CHCHD3: variants seen among roughly 807,000 people sequenced by gnomAD.
CHCHD3 encodes the protein MICOS complex subunit MIC19.
In CHCHD3, 20 loss-of-function variants were observed where a neutral mutation model predicts 38.2. The ratio of observed to expected loss-of-function variants is 0.52; its 90% CI spans 0.37 to 0.76. The LOEUF is 0.76. CHCHD3 is among the 30% of genes least tolerant of loss of function. The probability of loss-of-function intolerance (pLI) is 0.00; values close to 1 mark genes in which losing one functional copy is unlikely to be tolerated. For missense variants in CHCHD3, 245 were observed against 279.2 expected, an observed-to-expected ratio of 0.88 and a Z score of 0.87; for synonymous variants, 82 against 100.0, an observed-to-expected ratio of 0.82 and a Z score of 1.07.
At chr7:132,856,621 C>T (rs1011307739) in intron 5 of CHCHD3, among the ~76,000 whole-genome samples, 4 of 152,168 alleles carry the variant, frequency 2.6e-5, no homozygotes, top group African/African-American at 9.7e-5. Context: ...AGACCAAATC[C>T]ATCAGCAGCT....
intron 3 of CHCHD3, among the ~76,000 whole-genome samples, chr7:133,003,341 G>A (rs1013867640): frequency 3.3e-5 from 5 of 152,194 alleles, no homozygotes; most frequent in Admixed American, 2.6e-4. Context: ...CCTGTGTGCT[G>A]TAAAAATGGG....
chr7:132,796,404 T>A (rs374090198), intron 7 of CHCHD3, 38 bp downstream of exon 7: 8 of 1,609,184 alleles, frequency 5.0e-6, no homozygotes, highest in Non-Finnish European at 6.8e-6. Flanking sequence ...AGTTTTCAAT[T>A]TGCCCAGTGC....
At chr7:132,969,479 C>T (rs1386041535) in intron 4 of CHCHD3, among the ~76,000 whole-genome samples, 1 of 152,210 alleles carries the variant, frequency 6.6e-6, no homozygotes, top group Non-Finnish European at 1.5e-5. Context: ...CAATGCTACA[C>T]TGAAGTCAGA....
intron 5 of CHCHD3, among the ~76,000 whole-genome samples, chr7:132,875,205 T>C (rs1808866545): frequency 6.6e-6 from 1 of 152,188 alleles, no homozygotes; most frequent in South Asian, 2.1e-4. Flanking sequence ...GCTCTAAGTG[T>C]ACGTAACTTC....
intron 4 of CHCHD3, among the ~76,000 whole-genome samples, chr7:132,943,337 A>C (rs1297260762): frequency 6.6e-6 from 1 of 152,164 alleles, no homozygotes; most frequent in Admixed American, 6.6e-5. Flanking sequence ...TTGAGTGTAA[A>C]TATACAATAA....
chr7:133,039,720 T>C (rs1005427229), intron 2 of CHCHD3, among the ~76,000 whole-genome samples: 2 of 152,196 alleles, frequency 1.3e-5, no homozygotes, highest in Admixed American at 6.5e-5. Flanking sequence ...AGCAGCCCCA[T>C]ATCTATTCTT....
chr7:132,881,254 T>C (rs1809047927), intron 5 of CHCHD3, among the ~76,000 whole-genome samples: 1 of 152,122 alleles, frequency 6.6e-6, no homozygotes, highest in Admixed American at 6.6e-5. Context: ...GTGGCCAATA[T>C]AAATACCTGG....
At chr7:133,044,999 G>A (rs955944910) in intron 2 of CHCHD3, among the ~76,000 whole-genome samples, 15 of 152,210 alleles carry the variant, frequency 9.9e-5, no homozygotes, top group Admixed American at 3.9e-4. Context: ...CCTGCTGAGC[G>A]GTAAATGTGC....
chr7:133,063,252 G>A (rs1052785209), intron 2 of CHCHD3, among the ~76,000 whole-genome samples: 1 of 152,178 alleles, frequency 6.6e-6, no homozygotes, highest in Admixed American at 6.5e-5. Flanking sequence ...GGGGAGAAAA[G>A]GACTGAAGCG....
chr7:133,003,681 C>T (rs1027312498), intron 3 of CHCHD3, among the ~76,000 whole-genome samples: 2 of 152,168 alleles, frequency 1.3e-5, no homozygotes, highest in African/African-American at 4.8e-5. Flanking sequence ...CTGTTTTACA[C>T]TTGCCGAGGC....
chr7:132,932,341 T>C (rs1395006998), intron 4 of CHCHD3, among the ~76,000 whole-genome samples: 1 of 152,128 alleles, frequency 6.6e-6, no homozygotes, highest in Non-Finnish European at 1.5e-5. Context: ...CCTCATGTAA[T>C]GTGACATGAA....
chr7:132,892,808 G>A, intron 4 of CHCHD3, among the ~76,000 whole-genome samples: 1 of 152,234 alleles, frequency 6.6e-6, no homozygotes, highest in Non-Finnish European at 1.5e-5. Flanking sequence ...AGCCTTAGCA[G>A]CTTTCATGTG....
intron 2 of CHCHD3, among the ~76,000 whole-genome samples, chr7:133,043,689 T>A (rs1474340989): frequency 3.9e-5 from 6 of 152,056 alleles, no homozygotes; most frequent in Non-Finnish European, 8.8e-5. Flanking sequence ...CATGCTCTAC[T>A]GTTCAGAATT....
intron 4 of CHCHD3, among the ~76,000 whole-genome samples, chr7:132,917,879 C>T (rs1456101570): frequency 1.6e-5 from 2 of 123,368 alleles, no homozygotes; most frequent in Admixed American, 8.4e-5. Context: ...AAAAAAAAAC[C>T]TTTCCTATTA....
At chr7:133,001,508 T>C (rs753001172) in intron 3 of CHCHD3, among the ~76,000 whole-genome samples, 5 of 152,194 alleles carry the variant, frequency 3.3e-5, no homozygotes, top group Non-Finnish European at 7.4e-5. Context: ...TTTTTCAAAC[T>C]AAAAACTAAG....
chr7:132,997,843 T>C (rs1406526866), intron 3 of CHCHD3, among the ~76,000 whole-genome samples: 1 of 152,172 alleles, frequency 6.6e-6, no homozygotes, highest in Non-Finnish European at 1.5e-5. Context: ...GTGGAGATGA[T>C]GGCTATCATG....
chr7:132,852,808 C>T (rs1289663615), intron 5 of CHCHD3, among the ~76,000 whole-genome samples: 1 of 152,160 alleles, frequency 6.6e-6, no homozygotes, highest in Non-Finnish European at 1.5e-5. Flanking sequence ...ACAAAGTTTG[C>T]CTTCCTCCCA....
chr7:133,048,144 A>G (rs199731112), intron 2 of CHCHD3, among the ~76,000 whole-genome samples: 69 of 151,028 alleles, frequency 4.6e-4, no homozygotes, highest in African/African-American at 1.1e-3. Context: ...GGTTAAATAA[A>G]AAAAAAAAAA....
intron 5 of CHCHD3, among the ~76,000 whole-genome samples, chr7:132,852,015 C>A (rs558457241): frequency 2.6e-4 from 40 of 152,152 alleles, no homozygotes; most frequent in Non-Finnish European, 3.8e-4. Context: ...TGGGCCAAGA[C>A]GAAAGCCATA....
Sources: allele counts gnomAD v4.1 joint callset (sites outside exome capture counted in the v4.1 genomes callset), GRCh38; gene constraint gnomAD v4.1.1; transcripts MANE v1.5; gene names NCBI Gene and HGNC (gene_info 2026-07-23, HGNC 2026-07-21).